Variants in GALR3 observed in about 807,000 individuals in gnomAD.
GALR3 encodes the protein galanin receptor 3.
Under a neutral mutation model 6.9 loss-of-function variants are expected in GALR3, and 5 were observed. The observed-to-expected ratio is 0.72, with a 90% confidence interval of 0.38 to 1.52. The LOEUF (loss-of-function observed/expected upper bound fraction) is 1.52. GALR3 is among the 40% of genes most tolerant of loss of function. The pLI is 0.03. For synonymous variants in GALR3, 308 were observed against 263.6 expected (o/e 1.17, Z -1.63); for missense variants, 570 against 545.6 (o/e 1.04, Z -0.44).
In GALR3 at chr22:37,825,028, C is replaced by G; in HGVS notation, c.665C>G (p.Ala222Gly). ...GCCGTGGGTCCCGCGGGCGCGGCGG[C>G]GGCCGAGGCGCGGCGGAGGGCGACG... is the stretch of plus-strand genomic sequence containing the variant. ...WAAVGPAGAA[A>G]AEARRRATGR... Residue 222 changes from alanine (A) to glycine (G), a missense_variant, in exon 2 of 2, where the codon GCG becomes GGG. Ala to Gly is a moderately conservative substitution (Grantham distance 60). Transcript: ENST00000249041. 1 of 1,154,770 alleles carries G rather than the reference C, an allele frequency of 8.7e-7. No individual in the cohort carries two copies. The highest frequency in any genetic ancestry group is 1.1e-6 in the Non-Finnish European group (1 of 938,814). 71.5% of individuals were successfully genotyped at this position (1,154,770 alleles called of 1,614,324 possible).
chr22:37,823,836 T>A, intron 1 of GALR3, 71 bp downstream of exon 1: 1 of 815,862 alleles, frequency 1.2e-6, no homozygotes, highest in Non-Finnish European at 2.0e-6. Flanking sequence ...CCTGAACAGA[T>A]CCTCACTGGC....
In GALR3 at chr22:37,824,726, C is replaced by T. The variant is rs989630140; in HGVS notation, c.363C>T (p.Tyr121=). The T allele has an allele frequency of 1.3e-5, 16 of 1,220,586 alleles. No homozygotes were observed. In the African/African-American group the frequency reaches 2.5e-4, roughly 19 times the overall value. 75.6% of individuals were successfully genotyped at this position (1,220,586 alleles called of 1,614,324 possible). A position where few individuals can be genotyped will look rare whatever the true frequency, so the allele number is the denominator to read the frequency against. Reference sequence around the variant, plus strand: ...GCTGACCAGGCGCCCTCCGCAGGTACCTGGCCGTGCGGCACCCGCTGCGCT... The same window carrying T: ...GCTGACCAGGCGCCCTCCGCAGGTATCTGGCCGTGCGGCACCCGCTGCGCT... The part of the protein sequence containing the change: ...FTLAAVSVDR[Y]LAVRHPLRSR... The change falls in exon 2 of 2, where the codon TAC becomes TAT. Residue 121 remains tyrosine, a synonymous_variant. Transcript: ENST00000249041.
Position 37,824,944 on chromosome 22 carries a change from T to G in GALR3, c.581T>G (p.Leu194Arg). ...LDVATFAAGY[L>R]LPVAVVSLAY... The stretch of plus-strand genomic sequence containing the variant: ...GTGGCCACCTTCGCTGCCGGCTACC[T>G]GCTGCCCGTGGCTGTGGTGAGCCTG... Residue 194 changes from leucine to arginine, a missense_variant, in exon 2 of 2, where the codon CTG becomes CGG. Coordinates refer to ENST00000249041, the MANE Select transcript of GALR3 (RefSeq NM_003614.2). 2 of 1,319,528 alleles carry G rather than the reference T, an allele frequency of 1.5e-6. No homozygotes were observed. The highest frequency in any genetic ancestry group is 1.9e-6 in the Non-Finnish European group (2 of 1,028,004). 81.7% of individuals were successfully genotyped at this position (1,319,528 alleles called of 1,614,324 possible).
Position 37,825,120 on chromosome 22 carries a change from G to T in GALR3, c.757G>T (p.Ala253Ser). ...LYALCWGPHH[A>S]LILCFWYGRF... ...CGCGCTCTGCTGGGGTCCGCACCAC[G>T]CGCTCATCCTGTGCTTCTGGTACGG... Residue 253 changes from alanine (A) to serine (S), a missense_variant, in exon 2 of 2, where the codon GCG becomes TCG. By Grantham distance (99) the Ala-to-Ser change is moderately conservative. Transcript: ENST00000249041. 7.0e-7 allele frequency: 1 copy of T among 1,425,260 alleles called. No homozygotes were observed. The highest frequency in any genetic ancestry group is 3.1e-5 in the East Asian group (1 of 32,746). 88.3% of individuals were successfully genotyped at this position (1,425,260 alleles called of 1,614,324 possible). A position where few individuals can be genotyped will look rare whatever the true frequency, so the allele number is the denominator to read the frequency against.
chr22:37,825,484 G>A lies in GALR3; in HGVS notation c.*14G>A, dbSNP rs1922589335. 1 of 1,303,840 alleles carries A rather than the reference G, an allele frequency of 7.7e-7. No homozygotes were observed. Among genetic ancestry groups the A allele is most frequent in the African/African-American group, 1.5e-5 (1 of 65,244 alleles). 80.8% of individuals were successfully genotyped at this position (1,303,840 alleles called of 1,614,324 possible). A position where few individuals can be genotyped will look rare whatever the true frequency, so the allele number is the denominator to read the frequency against. On this transcript the variant is annotated 3_prime_UTR_variant, in exon 2 of 2. Coordinates refer to ENST00000249041, the MANE Select transcript of GALR3 (RefSeq NM_003614.2). ...GGACCGGAATAAACCCTGCCGCCTG[G>A]ACTCCGCCTGTGTCCGTCTGTCTCA...
In GALR3 at chr22:37,825,086, C is replaced by G. The variant is rs1394602767; in HGVS notation, c.723C>G (p.Ala241=). ...GRAGRAMLAV[A]ALYALCWGPH... is the part of the protein sequence containing the mutation. ...CGGGGCGCGCCATGCTGGCGGTGGCCGCGCTCTACGCGCTCTGCTGGGGTC... is the reference window on the plus strand; with the variant it reads ...CGGGGCGCGCCATGCTGGCGGTGGCGGCGCTCTACGCGCTCTGCTGGGGTC... Residue 241 remains alanine, a synonymous_variant, in exon 2 of 2, where the codon GCC becomes GCG. Transcript: ENST00000249041. 2 of 1,197,622 alleles carry G rather than the reference C, an allele frequency of 1.7e-6. No individual in the cohort carries two copies. Among genetic ancestry groups the G allele is most frequent in the Admixed American group, 3.8e-5 (1 of 25,990 alleles). 74.2% of individuals were successfully genotyped at this position (1,197,622 alleles called of 1,614,324 possible). A position where few individuals can be genotyped will look rare whatever the true frequency, so the allele number is the denominator to read the frequency against.
In GALR3 at chr22:37,825,006, G is replaced by A; in HGVS notation, c.643G>A (p.Val215Met). 8.5e-7 allele frequency: 1 copy of A among 1,182,652 alleles called. No individual in the cohort carries two copies. Among genetic ancestry groups the A allele is most frequent in the Non-Finnish European group, 1.0e-6 (1 of 956,486 alleles). 73.3% of individuals were successfully genotyped at this position (1,182,652 alleles called of 1,614,324 possible). The change falls in exon 2 of 2, where the codon GTG (valine) becomes ATG (methionine). Residue 215 changes from valine (V) to methionine (M), a missense_variant. By Grantham distance (21) the Val-to-Met change is conservative. Coordinates refer to ENST00000249041, the MANE Select transcript of GALR3 (RefSeq NM_003614.2). ...CACGCTGCGCTTCCTGTGGGCCGCC[G>A]TGGGTCCCGCGGGCGCGGCGGCGGC... ...GRTLRFLWAA[V>M]GPAGAAAAEA...
chr22:37,825,311 C>T lies in GALR3; in HGVS notation c.948C>T (p.Ala316=), dbSNP rs1221593883. 9 of 1,252,916 alleles carry T rather than the reference C, an allele frequency of 7.2e-6. No individual in the cohort carries two copies. Among genetic ancestry groups the T allele is most frequent in the Non-Finnish European group, 8.0e-6 (8 of 1,002,770 alleles). The allele number at this position is 1,252,916 out of a possible 1,614,324, so 77.6% of individuals were successfully genotyped here. Residue 316 remains alanine (A), a synonymous_variant, in exon 2 of 2, where the codon GCC becomes GCT. Transcript: ENST00000249041. ...GCGGCCGCCGACGCCGCCACCGTGC[C>T]CGCCGCGCCTTGCGTCGCGTCCGCC... is the stretch of plus-strand genomic sequence containing the variant. The part of the protein sequence containing the change: ...WPCGRRRRHR[A]RRALRRVRPA...
In GALR3 at chr22:37,823,418, C is replaced by T. The variant is rs1291792812; in HGVS notation, c.12C>T (p.Ala4=). MAD[A]QNISLDSPGS... is the part of the protein sequence containing the mutation. Reference sequence around the variant, plus strand: ...CGTCTGATGGGGAGATGGCTGATGCCCAGAACATTTCACTGGACAGCCCAG... The same window carrying T: ...CGTCTGATGGGGAGATGGCTGATGCTCAGAACATTTCACTGGACAGCCCAG... Residue 4 remains alanine, a synonymous_variant, in exon 1 of 2, where the codon GCC becomes GCT. Coordinates refer to ENST00000249041, the MANE Select transcript of GALR3 (RefSeq NM_003614.2). 3.2e-6 allele frequency: 5 copies of T among 1,585,180 alleles called. No homozygotes were observed. The highest frequency in any genetic ancestry group is 2.3e-5 in the East Asian group (1 of 44,308).
chr22:37,823,718 C>G lies in GALR3; in HGVS notation c.312C>G (p.Leu104=), dbSNP rs199827871. 1.2e-6 allele frequency: 2 copies of G among 1,613,126 alleles called. No homozygotes were observed. The highest frequency in any genetic ancestry group is 8.5e-7 in the Non-Finnish European group (1 of 1,179,732). The part of the protein sequence containing the change: ...VCKAVHLLIY[L]TMYASSFTLA... ...AGGCCGTGCACCTGCTCATCTACCT[C>G]ACCATGTACGCCAGCAGCTTTACGC... The change falls in exon 1 of 2, where the codon CTC becomes CTG. Residue 104 remains leucine, a synonymous_variant. Coordinates refer to ENST00000249041, the MANE Select transcript of GALR3 (RefSeq NM_003614.2).
rs1454417494 is a variant in GALR3, at chr22:37,823,482, C to G, written c.76C>G (p.Leu26Val). 1 of 1,612,696 alleles carries G rather than the reference C, an allele frequency of 6.2e-7. No individual in the cohort carries two copies. The highest frequency in any genetic ancestry group is 8.5e-7 in the Non-Finnish European group (1 of 1,179,252). The change falls in exon 1 of 2, where the codon CTA becomes GTA. Residue 26 changes from leucine (L) to valine (V), a missense_variant. Physicochemically the swap from Leu to Val is conservative, Grantham distance 32. Coordinates refer to ENST00000249041, the MANE Select transcript of GALR3 (RefSeq NM_003614.2). Reference sequence around the variant, plus strand: ...CGTGGCAGTGCCTGTGGTCTTTGCCCTAATCTTCCTGCTGGGCACAGTGGG... The same window carrying G: ...CGTGGCAGTGCCTGTGGTCTTTGCCGTAATCTTCCTGCTGGGCACAGTGGG... ...GAVAVPVVFA[L>V]IFLLGTVGNG...
chr22:37,824,247 T>G (rs1271007041), intron 1 of GALR3, among the ~76,000 whole-genome samples: 1 of 152,032 alleles, frequency 6.6e-6, no homozygotes, highest in East Asian at 1.9e-4. Flanking sequence ...TTTTTTGTAT[T>G]TTTAGTAGAA....
Position 37,824,766 on chromosome 22 carries a change from A to T in GALR3, c.403A>T (p.Thr135Ser). The T allele has an allele frequency of 7.9e-7, 1 of 1,273,096 alleles. No homozygotes were observed. Among genetic ancestry groups the T allele is most frequent in the Non-Finnish European group, 9.9e-7 (1 of 1,011,624 alleles). The allele number at this position is 1,273,096 out of a possible 1,614,324, so 78.9% of individuals were successfully genotyped here. ...RHPLRSRALR[T>S]PRNARAAVGL... ...CCCGCTGCGCTCGCGCGCCCTGCGC[A>T]CGCCGCGTAACGCCCGCGCCGCAGT... The change falls in exon 2 of 2, where the codon ACG becomes TCG. Residue 135 changes from threonine to serine, a missense_variant. Coordinates refer to ENST00000249041, the MANE Select transcript of GALR3 (RefSeq NM_003614.2).
intron 1 of GALR3, among the ~76,000 whole-genome samples, 182 bp downstream of exon 1, chr22:37,823,947 G>A (rs1175836807): frequency 6.6e-6 from 1 of 152,148 alleles, no homozygotes; most frequent in Non-Finnish European, 1.5e-5. Context: ...TGCAGGGCGT[G>A]CTTGAGGGGA....
chr22:37,824,697 C>T (rs145301950), intron 1 of GALR3, 26 bp from the exon 2 acceptor site: 47,046 of 1,189,544 alleles, frequency 0.04, 1,027 homozygotes, highest in Non-Finnish European at 0.043. Context: ...CACCTGCCCG[C>T]CCCGCTGACC....
chr22:37,825,457 G>C lies in GALR3; in HGVS notation c.1094G>C (p.Arg365Pro). The change falls in exon 2 of 2, where the codon CGA becomes CCA. Residue 365 changes from arginine to proline, a missense_variant. Transcript: ENST00000249041. ...CCCGTCCACGGCGGAGAGGCTGCCC[G>C]AGGACCGGAATAAACCCTGCCGCCT... The part of the protein sequence containing the change: ...EGPVHGGEAA[R>P]GPE The C allele has an allele frequency of 7.3e-7, 1 of 1,371,268 alleles. No individual in the cohort carries two copies. Among genetic ancestry groups the C allele is most frequent in the East Asian group, 3.1e-5 (1 of 32,628 alleles). 84.9% of individuals were successfully genotyped at this position (1,371,268 alleles called of 1,614,324 possible).
chr22:37,824,538 C>T (rs1314354959), intron 1 of GALR3, among the ~76,000 whole-genome samples, 185 bp from the exon 2 acceptor site: 1 of 152,134 alleles, frequency 6.6e-6, no homozygotes, highest in Non-Finnish European at 1.5e-5. Flanking sequence ...AATAACAAGT[C>T]ACCGGGATCG....
chr22:37,824,777 C>A lies in GALR3; in HGVS notation c.414C>A (p.Asn138Lys), dbSNP rs1202892255. ...LRSRALRTPR[N>K]ARAAVGLVWL... ...CGCGCGCCCTGCGCACGCCGCGTAA[C>A]GCCCGCGCCGCAGTGGGGCTGGTGT... Residue 138 changes from asparagine to lysine, a missense_variant, in exon 2 of 2, where the codon AAC (asparagine) becomes AAA (lysine). By Grantham distance (94) the Asn-to-Lys change is moderately conservative. Coordinates refer to ENST00000249041, the MANE Select transcript of GALR3 (RefSeq NM_003614.2). 3.1e-6 allele frequency: 4 copies of A among 1,297,968 alleles called. No homozygotes were observed. Among genetic ancestry groups the A allele is most frequent in the African/African-American group, 1.5e-5 (1 of 64,666 alleles). 80.4% of individuals were successfully genotyped at this position (1,297,968 alleles called of 1,614,324 possible).
Position 37,825,404 on chromosome 22 carries a change from C to T in GALR3, c.1041C>T (p.Gly347=), listed in dbSNP as rs1278076898. 3 of 1,395,144 alleles carry T rather than the reference C, an allele frequency of 2.2e-6. No homozygotes were observed. The highest frequency in any genetic ancestry group is 3.1e-5 in the East Asian group (1 of 32,780). The allele number at this position is 1,395,144 out of a possible 1,614,324, so 86.4% of individuals were successfully genotyped here. ...ARPSGRLLAG[G]GQGPEPREGP... ...CTAGCGGGAGGCTGCTGGCTGGTGGCGGCCAGGGCCCGGAGCCCAGGGAGG... is the reference window on the plus strand; with the variant it reads ...CTAGCGGGAGGCTGCTGGCTGGTGGTGGCCAGGGCCCGGAGCCCAGGGAGG... Residue 347 remains glycine (G), a synonymous_variant, in exon 2 of 2, where the codon GGC becomes GGT. Coordinates refer to ENST00000249041, the MANE Select transcript of GALR3 (RefSeq NM_003614.2).
Sources: gnomAD v4.1 joint callset for allele counts (sites outside exome capture counted in the v4.1 genomes callset) on GRCh38, gnomAD v4.1.1 for gene constraint, MANE v1.5 for transcripts, NCBI Gene and HGNC (gene_info 2026-07-23, HGNC 2026-07-21) for gene names.